TP53BP2: variants seen among roughly 807,000 people sequenced by gnomAD.
TP53BP2 encodes tumor protein p53 binding protein 2.
In TP53BP2, 62 loss-of-function variants were observed where a neutral mutation model predicts 126.2. That is an observed-to-expected ratio of 0.49 (90% CI 0.40 to 0.61). The LOEUF (loss-of-function observed/expected upper bound fraction) is 0.61. Ranked by LOEUF, TP53BP2 falls within the 20% of genes least tolerant of loss-of-function variation. The pLI, the probability that TP53BP2 is intolerant of heterozygous loss-of-function variation, is 0.00. For synonymous variants in TP53BP2, 485 were observed against 502.9 expected (o/e 0.96, Z 0.48); for missense variants, 1,215 against 1,402.8 (o/e 0.87, Z 2.14).
Position 223,798,592 on chromosome 1 carries a change from T to C in TP53BP2, c.1571A>G (p.Asn524Ser), listed in dbSNP as rs775271077. 1 of 1,614,204 alleles carries C rather than the reference T, an allele frequency of 6.2e-7. No individual in the cohort carries two copies. The highest frequency in any genetic ancestry group is 1.3e-5 in the African/African-American group (1 of 75,064). ...TGGCTTAATGTCTGAAGGTGGCTGA[T>C]TAGTTTGTCCAAAATAAGGCAAATT... ...QINLPYFGQT[N>S]QPPSDIKPDG... The change falls in exon 12 of 18, where the codon AAT (asparagine) becomes AGT (serine). Residue 524 changes from asparagine to serine, a missense_variant. Physicochemically the swap from Asn to Ser is conservative, Grantham distance 46 (BLOSUM62 1). Coordinates refer to ENST00000343537, the MANE Select transcript of TP53BP2 (RefSeq NM_001031685.3).
intron 17 of TP53BP2, 145 bp from the exon 18 acceptor site, chr1:223,781,039 C>CT (rs1460749645): frequency 1.2e-5 from 9 of 742,458 alleles, no homozygotes; most frequent in Non-Finnish European, 1.7e-5. Context: ...TGTGTGGCAC[C>CT]TAGAGCTTTA....
intron 1 of TP53BP2, among the ~76,000 whole-genome samples, chr1:223,837,294 C>G (rs553363829): frequency 4.6e-5 from 7 of 151,990 alleles, no homozygotes; most frequent in Non-Finnish European, 1.0e-4. Context: ...CCTGATACAC[C>G]CTACTCAGTT....
chr1:223,815,410 G>A (rs745756354), intron 2 of TP53BP2, among the ~76,000 whole-genome samples: 91 of 152,292 alleles, frequency 6.0e-4, no homozygotes, highest in Non-Finnish European at 1.0e-3. Flanking sequence ...ATACACCACA[G>A]TTAGAGAGAA....
intron 1 of TP53BP2, 138 bp downstream of exon 1, chr1:223,845,516 G>T: frequency 2.0e-6 from 2 of 982,834 alleles, no homozygotes; most frequent in African/African-American, 1.7e-5. Flanking sequence ...CCCGCTCGAA[G>T]CTCGGAAAGC....
chr1:223,800,468 C>G (rs1328351875), intron 10 of TP53BP2, among the ~76,000 whole-genome samples: 1 of 152,066 alleles, frequency 6.6e-6, no homozygotes, highest in African/African-American at 2.4e-5. Context: ...GTAGTACCAG[C>G]TACTAGGGAG....
chr1:223,783,792 C>A (rs151316502), intron 17 of TP53BP2, among the ~76,000 whole-genome samples: 2 of 152,128 alleles, frequency 1.3e-5, no homozygotes, highest in East Asian at 3.8e-4. Context: ...AGCTCTCTAC[C>A]AGATTTGCAA....
At chr1:223,841,200 G>A (rs1053367442) in intron 1 of TP53BP2, among the ~76,000 whole-genome samples, 7 of 151,978 alleles carry the variant, frequency 4.6e-5, no homozygotes, top group Non-Finnish European at 8.8e-5. Flanking sequence ...CCGAGATCGC[G>A]CCACTGCACT....
In TP53BP2 at chr1:223,798,403, G is replaced by A. The variant is rs1402782581; in HGVS notation, c.1760C>T (p.Ala587Val). The A allele has an allele frequency of 7.4e-6, 12 of 1,614,074 alleles. No homozygotes were observed. Among genetic ancestry groups the A allele is most frequent in the Non-Finnish European group, 9.3e-6 (11 of 1,180,048 alleles). Residue 587 changes from alanine to valine, a missense_variant, in exon 12 of 18, where the codon GCC becomes GTC. Physicochemically the swap from Ala to Val is moderately conservative, Grantham distance 64. Around this residue, in one of 4 missense-constraint regions of TP53BP2, gnomAD observed 814 missense variants for 853.0 expected, o/e 0.95. Transcript: ENST00000343537. ...GSKQESPPAA[A>V]VRPFTPQPSK... is the part of the protein sequence containing the mutation. ...AGGCTGGGGAGTAAAGGGCCGGACG[G>A]CAGCAGCAGGTGGACTTTCTTGCTT... is the stretch of plus-strand genomic sequence containing the variant.
chr1:223,828,313 A>G (rs928654581), intron 1 of TP53BP2, among the ~76,000 whole-genome samples: 1 of 152,216 alleles, frequency 6.6e-6, no homozygotes, highest in African/African-American at 2.4e-5. Flanking sequence ...GCCTGAAACT[A>G]TATTCACCAA....
intron 15 of TP53BP2, 66 bp downstream of exon 15, chr1:223,792,321 CTA>C (rs2102839410): frequency 6.6e-7 from 1 of 1,521,078 alleles, no homozygotes; most frequent in East Asian, 2.4e-5. Context: ...TCCAACAGCA[CTA>C]TGACAACTGC....
At chr1:223,842,525 G>C (rs973737175) in intron 1 of TP53BP2, among the ~76,000 whole-genome samples, 23 of 152,120 alleles carry the variant, frequency 1.5e-4, no homozygotes, top group African/African-American at 5.3e-4. Context: ...CAAGCCTTCT[G>C]GTCTTCCAGG....
chr1:223,834,690 C>T (rs1470382421), intron 1 of TP53BP2: 1 of 311,824 alleles, frequency 3.2e-6, no homozygotes, highest in Non-Finnish European at 4.7e-6. Flanking sequence ...TCTAAAATAG[C>T]CACTTTTCCT....
intron 16 of TP53BP2, among the ~76,000 whole-genome samples, chr1:223,787,254 G>A (rs1180972834): frequency 1.3e-5 from 2 of 152,132 alleles, no homozygotes; most frequent in Non-Finnish European, 2.9e-5. Flanking sequence ...ACTTTGGAAG[G>A]CCAAGGTGGG....
At chr1:223,837,165 C>CGGG (rs1377073959) in intron 1 of TP53BP2, among the ~76,000 whole-genome samples, 2 of 54,174 alleles carry the variant, frequency 3.7e-5, no homozygotes, top group African/African-American at 7.7e-5. Flanking sequence ...AGGGGGGGGG[C>CGGG]GGGGGGTCAA....
chr1:223,786,864 C>T (rs954628809), intron 16 of TP53BP2, among the ~76,000 whole-genome samples: 2 of 151,832 alleles, frequency 1.3e-5, no homozygotes, highest in Admixed American at 1.3e-4. Context: ...CGTCGGCCTC[C>T]CAAAGTGCTG....
intron 12 of TP53BP2, among the ~76,000 whole-genome samples, 188 bp downstream of exon 12, chr1:223,798,027 T>C (rs990299633): frequency 6.6e-6 from 1 of 152,150 alleles, no homozygotes; most frequent in Non-Finnish European, 1.5e-5. Flanking sequence ...TTATCTTTAG[T>C]GCCTACTACT....
chr1:223,811,681 C>T (rs1244786933), intron 3 of TP53BP2, among the ~76,000 whole-genome samples: 1 of 152,164 alleles, frequency 6.6e-6, no homozygotes, highest in Admixed American at 6.5e-5. Context: ...TTCAGGGTCA[C>T]AGGTCCTAAT....
intron 1 of TP53BP2, among the ~76,000 whole-genome samples, chr1:223,824,215 C>A (rs11806886): frequency 6.6e-6 from 1 of 152,098 alleles, no homozygotes; most frequent in Non-Finnish European, 1.5e-5. Flanking sequence ...CACAGTTACC[C>A]ACACTTTAAC....
At chr1:223,789,209 CCTAAA>C in intron 15 of TP53BP2, 35 bp from the exon 16 acceptor site, 1 of 1,608,898 alleles carries the variant, frequency 6.2e-7, no homozygotes, top group Non-Finnish European at 8.5e-7. Context: ...GAACTGTTTT[CCTAAA>C]CTGAATGACA....
Sources: allele counts gnomAD v4.1 joint callset (sites outside exome capture counted in the v4.1 genomes callset), GRCh38; gene constraint gnomAD v4.1.1; regional missense constraint gnomAD v4.1.1; transcripts MANE v1.5; gene names NCBI Gene and HGNC (gene_info 2026-07-23, HGNC 2026-07-21).